The following PTPRD variants were observed in gnomAD, a reference collection of about 807,000 sequenced individuals.
PTPRD encodes protein tyrosine phosphatase receptor type D, also known as receptor-type tyrosine-protein phosphatase delta.
In PTPRD, 34 loss-of-function variants were observed where a neutral mutation model predicts 214.5. That is an observed-to-expected ratio of 0.16 (90% CI 0.12 to 0.21). The LOEUF (loss-of-function observed/expected upper bound fraction) is 0.21. PTPRD is among the 10% of genes least tolerant of loss of function. The pLI is 1.00. For synonymous variants in PTPRD, 1,128 were observed against 845.7 expected (o/e 1.33, Z -5.79); for missense variants, 2,545 against 2,398.7 (o/e 1.06, Z -1.27).
At chr9:9,971,236 T>G (rs2095081313) in intron 4 of PTPRD, among the ~76,000 whole-genome samples, 1 of 152,132 alleles carries the variant, frequency 6.6e-6, no homozygotes, top group Non-Finnish European at 1.5e-5. Context: ...TAGTAATTCT[T>G]CAGTCTGAGT....
intron 12 of PTPRD, among the ~76,000 whole-genome samples, chr9:8,706,876 G>A (rs1263926341): frequency 1.3e-5 from 2 of 152,168 alleles, no homozygotes; most frequent in Non-Finnish European, 2.9e-5. Flanking sequence ...AATGTCCACA[G>A]GTTAGCATTA....
chr9:8,476,990 C>T (rs1365394470), intron 30 of PTPRD, among the ~76,000 whole-genome samples: 1 of 152,080 alleles, frequency 6.6e-6, no homozygotes, highest in Non-Finnish European at 1.5e-5. Flanking sequence ...ACTCGTGACC[C>T]TTGTTCTAAT....
intron 5 of PTPRD, among the ~76,000 whole-genome samples, chr9:9,902,892 A>C (rs764719462): frequency 3.9e-5 from 6 of 152,086 alleles, no homozygotes; most frequent in Non-Finnish European, 7.4e-5. Context: ...CATTTTCTAC[A>C]TTTTTTTGTT....
intron 11 of PTPRD, among the ~76,000 whole-genome samples, chr9:9,017,489 A>G (rs949271494): frequency 8.5e-5 from 13 of 152,164 alleles, no homozygotes; most frequent in East Asian, 7.7e-4. Flanking sequence ...GTAAATTTGA[A>G]TTGTTTAACA....
At chr9:9,554,209 T>C (rs2080985028) in intron 8 of PTPRD, among the ~76,000 whole-genome samples, 1 of 152,076 alleles carries the variant, frequency 6.6e-6, no homozygotes, top group Non-Finnish European at 1.5e-5. Context: ...TCAAGTAATT[T>C]ATCTTCAATG....
chr9:10,340,786 A>T (rs1460747911), intron 3 of PTPRD, among the ~76,000 whole-genome samples, 177 bp downstream of exon 3: 1 of 151,936 alleles, frequency 6.6e-6, no homozygotes, highest in South Asian at 2.1e-4. Context: ...TCCAAAGTGT[A>T]TAGCAAGACT....
chr9:9,949,655 A>G (rs1390925352), intron 4 of PTPRD, among the ~76,000 whole-genome samples: 1 of 152,124 alleles, frequency 6.6e-6, no homozygotes, highest in Non-Finnish European at 1.5e-5. Flanking sequence ...GAATCTCTAC[A>G]CTTTCATTGG....
chr9:9,972,772 A>G (rs1299756671), intron 4 of PTPRD, among the ~76,000 whole-genome samples: 1 of 152,086 alleles, frequency 6.6e-6, no homozygotes, highest in Non-Finnish European at 1.5e-5. Flanking sequence ...CTTGTGGCTT[A>G]CGGGCATCAT....
intron 3 of PTPRD, among the ~76,000 whole-genome samples, chr9:10,211,483 C>T (rs567425773): frequency 1.3e-5 from 2 of 152,264 alleles, no homozygotes; most frequent in East Asian, 3.9e-4. Flanking sequence ...TGAGGCATAA[C>T]ATGATCACAT....
intron 2 of PTPRD, among the ~76,000 whole-genome samples, chr9:10,484,027 CCAA>C (rs1745700324): frequency 6.6e-6 from 1 of 152,002 alleles, no homozygotes; most frequent in Admixed American, 6.6e-5. Context: ...AAATAAGTGT[CCAA>C]CAACCAGTGA....
intron 2 of PTPRD, among the ~76,000 whole-genome samples, chr9:10,355,526 T>C (rs924600722): frequency 3.3e-5 from 5 of 151,188 alleles, no homozygotes; most frequent in African/African-American, 1.2e-4. Context: ...TTGCCTAGAC[T>C]GGAGTGCAAC....
intron 9 of PTPRD, among the ~76,000 whole-genome samples, chr9:9,276,661 A>G (rs1364015327): frequency 6.6e-6 from 1 of 151,360 alleles, no homozygotes; most frequent in Non-Finnish European, 1.5e-5. Flanking sequence ...TAATCTACAC[A>G]TGTACCTCTT....
At chr9:9,516,801 GC>G (rs2096849781) in intron 8 of PTPRD, among the ~76,000 whole-genome samples, 1 of 152,046 alleles carries the variant, frequency 6.6e-6, no homozygotes, top group African/African-American at 2.4e-5. Context: ...CTCCCAAAGT[GC>G]TGGGATTACA....
chr9:9,798,178 C>T (rs774715504), intron 5 of PTPRD, among the ~76,000 whole-genome samples: 1 of 152,030 alleles, frequency 6.6e-6, no homozygotes, highest in Admixed American at 6.6e-5. Flanking sequence ...ATGTTATTTT[C>T]TTCGATAACA....
intron 6 of PTPRD, among the ~76,000 whole-genome samples, chr9:9,765,092 T>A (rs937288529): frequency 6.6e-6 from 1 of 152,182 alleles, no homozygotes; most frequent in Non-Finnish European, 1.5e-5. Flanking sequence ...GCTGGCTTAT[T>A]TTCTTTGGAT....
intron 14 of PTPRD, among the ~76,000 whole-genome samples, chr9:8,582,375 T>C (rs1422688582): frequency 6.6e-6 from 1 of 152,154 alleles, no homozygotes; most frequent in Non-Finnish European, 1.5e-5. Flanking sequence ...AAAAAAGCAA[T>C]AATCATAAAG....
At chr9:9,648,364 A>G (rs909979571) in intron 7 of PTPRD, among the ~76,000 whole-genome samples, 7 of 152,218 alleles carry the variant, frequency 4.6e-5, no homozygotes, top group Non-Finnish European at 8.8e-5. Flanking sequence ...GTAATCTGAT[A>G]CAGTGTTCTT....
At chr9:9,558,337 T>C (rs1038528175) in intron 8 of PTPRD, among the ~76,000 whole-genome samples, 3 of 152,192 alleles carry the variant, frequency 2.0e-5, no homozygotes, top group Non-Finnish European at 4.4e-5. Context: ...CTAAACTCAC[T>C]GAGTCATGCA....
chr9:9,834,263 T>C (rs540195934), intron 5 of PTPRD, among the ~76,000 whole-genome samples: 227 of 152,158 alleles, frequency 1.5e-3, no homozygotes, highest in Non-Finnish European at 2.0e-3. Flanking sequence ...GGTACTACTA[T>C]TGGACTATGT....
Sources: gnomAD v4.1 joint callset for allele counts (sites outside exome capture counted in the v4.1 genomes callset) on GRCh38, gnomAD v4.1.1 for gene constraint, MANE v1.5 for transcripts, NCBI Gene and HGNC (gene_info 2026-07-23, HGNC 2026-07-21) for gene names.